Variants in TBC1D30 observed in about 807,000 individuals in gnomAD.
The protein encoded by TBC1D30 is TBC1 domain family member 30.
TBC1D30 carries 31 observed loss-of-function variants against 63.2 expected under a neutral mutation model. The observed-to-expected ratio is 0.49, with a 90% CI of 0.37 to 0.66. The LOEUF is 0.66. TBC1D30 is among the 30% of genes least tolerant of loss of function. The pLI, the probability that TBC1D30 is intolerant of heterozygous loss-of-function variation, is 0.00. For missense variants in TBC1D30, 810 were observed against 953.6 expected (o/e 0.85, Z 1.98); for synonymous variants, 307 against 361.5 (o/e 0.85, Z 1.71).
At chr12:64,829,382 C>G (rs1298770864) in intron 3 of TBC1D30, among the ~76,000 whole-genome samples, 1 of 152,076 alleles carries the variant, frequency 6.6e-6, no homozygotes, top group Non-Finnish European at 1.5e-5. Flanking sequence ...ATGAATTCCT[C>G]TTGGACTGAA....
chr12:64,824,824 G>T lies in TBC1D30; in HGVS notation c.-56G>T, dbSNP rs1874153614. The stretch of plus-strand genomic sequence containing the variant: ...CCGCGAGCTCAGCCGCTCAGCGAGT[G>T]GGGTAGCGGGGACCGAGACGGACGG... On this transcript the variant is annotated 5_prime_UTR_variant, in exon 1 of 12. Coordinates refer to ENST00000539867, the MANE Select transcript of TBC1D30 (RefSeq NM_015279.2). 2.0e-6 allele frequency: 3 copies of T among 1,507,634 alleles called. No individual in the cohort carries two copies. The highest frequency in any genetic ancestry group is 2.0e-5 in the Admixed American group (1 of 49,356). 93.4% of individuals were successfully genotyped at this position (1,507,634 alleles called of 1,614,324 possible).
intron 2 of TBC1D30, among the ~76,000 whole-genome samples, chr12:64,814,373 A>G (rs1160556074): frequency 6.6e-6 from 1 of 152,038 alleles, no homozygotes; most frequent in Admixed American, 6.6e-5. Context: ...TAAATGTCAA[A>G]TCAGCAGGAT....
Position 64,761,886 on chromosome 12 carries a change from A to T in TBC1D30, c.-376+2237A>T, listed in dbSNP as rs144835870. Reference sequence around the variant, plus strand: ...AGAACCCTTTCTTGATGTCTGGATCAGGACCCCTTTCCGGTAACACTGCTA... The same window carrying T: ...AGAACCCTTTCTTGATGTCTGGATCTGGACCCCTTTCCGGTAACACTGCTA... On this transcript the variant is annotated intron_variant, in intron 1 of 13. Transcript: ENST00000674237. Among the ~76,000 whole-genome samples, 3 of 152,334 alleles carry T rather than the reference A, an allele frequency of 2.0e-5. No homozygotes were observed. In the East Asian group the frequency reaches 5.8e-4, roughly 29 times the overall value.
chr12:64,841,500 C>T (rs1875865861), intron 7 of TBC1D30, among the ~76,000 whole-genome samples: 1 of 152,190 alleles, frequency 6.6e-6, no homozygotes, highest in South Asian at 2.1e-4. Context: ...CACAGCTGTT[C>T]CCTCACTCCC....
intron 8 of TBC1D30, among the ~76,000 whole-genome samples, chr12:64,858,749 G>A (rs1240490826): frequency 2.0e-5 from 3 of 151,902 alleles, no homozygotes; most frequent in Non-Finnish European, 2.9e-5. Flanking sequence ...AATATTTATC[G>A]AGCACCTCTA....
intron 2 of TBC1D30, among the ~76,000 whole-genome samples, chr12:64,794,974 G>T (rs1439424206): frequency 6.6e-6 from 1 of 152,216 alleles, no homozygotes; most frequent in East Asian, 1.9e-4. Flanking sequence ...ATTTGGAAGA[G>T]ATAAGATTAT....
chr12:64,847,417 A>G (rs945999532), intron 8 of TBC1D30, among the ~76,000 whole-genome samples: 1 of 151,216 alleles, frequency 6.6e-6, no homozygotes, highest in Admixed American at 6.6e-5. Flanking sequence ...TTCTTCTACT[A>G]ATTTTGGGTT....
intron 10 of TBC1D30, 42 bp downstream of exon 10, chr12:64,866,945 G>A (rs935964942): frequency 9.8e-6 from 15 of 1,531,108 alleles, no homozygotes; most frequent in African/African-American, 1.4e-5. Flanking sequence ...TGATGTATTG[G>A]TTTACTACAA....
intron 2 of TBC1D30, among the ~76,000 whole-genome samples, chr12:64,806,029 A>G (rs914821154): frequency 7.2e-5 from 11 of 152,198 alleles, no homozygotes; most frequent in African/African-American, 2.4e-4. Flanking sequence ...TGAATGTTGA[A>G]CAATGAGCAG....
intron 11 of TBC1D30, among the ~76,000 whole-genome samples, chr12:64,872,353 A>G (rs936144885): frequency 6.6e-6 from 1 of 152,162 alleles, no homozygotes; most frequent in Non-Finnish European, 1.5e-5. Context: ...ATTGGAACAC[A>G]GGCATGCCCA....
intron 11 of TBC1D30, among the ~76,000 whole-genome samples, chr12:64,873,418 G>A (rs1375640126): frequency 6.6e-6 from 1 of 152,160 alleles, no homozygotes; most frequent in East Asian, 1.9e-4. Flanking sequence ...TCAGAAAAGA[G>A]AATGTAGATC....
rs1465665317 is a variant in TBC1D30, at chr12:64,879,454, C to T, written c.*3666C>T. The T allele has an allele frequency of 6.6e-6, 1 of 152,134 alleles. No homozygotes were observed. The highest frequency in any genetic ancestry group is 2.4e-5 in the African/African-American group (1 of 41,428). The allele number at this position is 152,134 out of a possible 1,614,324, so 9.4% of individuals were successfully genotyped here. On this transcript the variant is annotated 3_prime_UTR_variant, in exon 12 of 12. Coordinates refer to ENST00000539867, the MANE Select transcript of TBC1D30 (RefSeq NM_015279.2). ...GGAGTTGAAGGGTCAGGAAATATGT[C>T]CATTTTTAAGATACATATATCTCCA...
chr12:64,802,998 ATGGG>A (rs1315674631), intron 2 of TBC1D30, among the ~76,000 whole-genome samples: 31 of 152,254 alleles, frequency 2.0e-4, no homozygotes, highest in Non-Finnish European at 4.1e-4. Context: ...TTATAATCCT[ATGGG>A]TATATACCCA....
At chr12:64,838,589 A>C in intron 6 of TBC1D30, 94 bp from the exon 7 acceptor site, 1 of 1,253,698 alleles carries the variant, frequency 8.0e-7, no homozygotes, top group Non-Finnish European at 1.1e-6. Flanking sequence ...GAAATACAAC[A>C]AATTTGAGTG....
chr12:64,813,268 T>C (rs1427176980), intron 2 of TBC1D30, among the ~76,000 whole-genome samples: 1 of 152,056 alleles, frequency 6.6e-6, no homozygotes, highest in East Asian at 1.9e-4. Context: ...TGCACGCCTG[T>C]AGTCCCAGCT....
At chr12:64,826,918 T>TA (rs1874409776) in intron 1 of TBC1D30, among the ~76,000 whole-genome samples, 2 of 152,146 alleles carry the variant, frequency 1.3e-5, no homozygotes, top group African/African-American at 4.8e-5. Flanking sequence ...ATATATATAT[T>TA]TTTTAAAAGA....
At chr12:64,800,676 G>C (rs535468979) in intron 2 of TBC1D30, among the ~76,000 whole-genome samples, 4 of 152,130 alleles carry the variant, frequency 2.6e-5, no homozygotes, top group Non-Finnish European at 5.9e-5. Context: ...AGAGAGGGCA[G>C]AACCCTGGGA....
chr12:64,815,840 A>T (rs1386050418), intron 2 of TBC1D30, among the ~76,000 whole-genome samples: 1 of 151,436 alleles, frequency 6.6e-6, no homozygotes, highest in Non-Finnish European at 1.5e-5. Flanking sequence ...GGCTGGTAGT[A>T]TGGTGATGTG....
At chr12:64,804,616 G>A (rs1057342697) in intron 2 of TBC1D30, among the ~76,000 whole-genome samples, 20 of 152,144 alleles carry the variant, frequency 1.3e-4, no homozygotes, top group African/African-American at 4.3e-4. Flanking sequence ...TATGATATTG[G>A]CTGATCCCCA....
Sources: allele counts gnomAD v4.1 joint callset (sites outside exome capture counted in the v4.1 genomes callset), GRCh38; gene constraint gnomAD v4.1.1; transcripts MANE v1.5; gene names NCBI Gene and HGNC (gene_info 2026-07-23, HGNC 2026-07-21).